Variants in PPP2R5D observed in about 807,000 individuals in gnomAD.
PPP2R5D encodes the protein protein phosphatase 2 regulatory subunit B'delta, also known as serine/threonine-protein phosphatase 2A 56 kDa regulatory subunit delta isoform.
A neutral mutation model predicts 79.1 loss-of-function variants in PPP2R5D; 12 were observed. The observed-to-expected ratio is 0.15, with a 90% CI of 0.10 to 0.25. PPP2R5D has a LOEUF of 0.25. Among genes scored for constraint, PPP2R5D ranks in the 10% least tolerant of loss-of-function variants. The probability of loss-of-function intolerance (pLI) is 1.00; values close to 1 mark genes in which losing one functional copy is unlikely to be tolerated. For missense variants in PPP2R5D, 419 were observed against 760.2 expected, an observed-to-expected ratio of 0.55 and a Z score of 5.28; for synonymous variants, 277 against 286.6, an observed-to-expected ratio of 0.97 and a Z score of 0.34.
Position 43,007,966 on chromosome 6 carries a change from G to A in PPP2R5D, c.758G>A (p.Arg253Gln), listed in dbSNP as rs1131691266. 2.5e-6 allele frequency: 4 copies of A among 1,614,150 alleles called. No homozygotes were observed. The highest frequency in any genetic ancestry group is 2.2e-5 in the East Asian group (1 of 44,884). Residue 253 changes from arginine to glutamine, a missense_variant, in exon 7 of 16, where the codon CGA becomes CAA. Physicochemically the swap from Arg to Gln is conservative, Grantham distance 43. Coordinates refer to ENST00000485511, the MANE Select transcript of PPP2R5D (RefSeq NM_006245.4). The surrounding 1 kb of genome is among the most constrained non-coding windows in gnomAD (Gnocchi z 4.5). ...GACCTATTTGACAGTGAGGATCCTC[G>A]AGAGCGGGACTTCCTCAAGACCATT... The part of the protein sequence containing the change: ...LLDLFDSEDP[R>Q]ERDFLKTILH...
rs759193097 is a variant in PPP2R5D at position 42,984,749 on chromosome 6, C to G, written c.27+45C>G. On this transcript the variant is annotated intron_variant, in intron 1 of 15. Transcript: ENST00000485511. The stretch of plus-strand genomic sequence containing the variant: ...CCCCACCGCCGCCTTGGAGCCTGCG[C>G]GGAGCTCTGGGAGGGGCCGGAGCCA... 4 of 1,609,998 alleles carry G rather than the reference C, an allele frequency of 2.5e-6. No individual in the cohort carries two copies. In the Admixed American group the frequency reaches 5.0e-5, roughly 20 times the overall value.
intron 2 of PPP2R5D, among the ~76,000 whole-genome samples, chr6:42,994,961 CCTT>C (rs1771536708): frequency 6.6e-6 from 1 of 151,934 alleles, no homozygotes; most frequent in South Asian, 2.1e-4. Flanking sequence ...ACTCTAAAAA[CCTT>C]CTTGGTCTTA....
Position 43,012,230 on chromosome 6 carries a change from T to C in PPP2R5D, c.*944T>C. The C allele has an allele frequency of 1.8e-5, 22 of 1,203,956 alleles. No individual in the cohort carries two copies. Among genetic ancestry groups the C allele is most frequent in the Non-Finnish European group, 2.3e-5 (22 of 967,558 alleles). 74.6% of individuals were successfully genotyped at this position (1,203,956 alleles called of 1,614,324 possible). A position where few individuals can be genotyped will look rare whatever the true frequency, so the allele number is the denominator to read the frequency against. ...CCAGGGGCGCAGGCAGTGCGGCTTT[T>C]GGCTGTGTACATAGGGTGCTTTATT... is the stretch of plus-strand genomic sequence containing the variant. On this transcript the variant is annotated 3_prime_UTR_variant, in exon 16 of 16. Coordinates refer to ENST00000485511, the MANE Select transcript of PPP2R5D (RefSeq NM_006245.4).
intron 2 of PPP2R5D, among the ~76,000 whole-genome samples, chr6:43,004,735 C>G (rs889987284): frequency 6.6e-6 from 1 of 151,106 alleles, no homozygotes; most frequent in Non-Finnish European, 1.5e-5. Context: ...TACAACTAAA[C>G]TATGTATTAC....
chr6:42,984,787 C>T, intron 1 of PPP2R5D, 83 bp downstream of exon 1: 1 of 1,585,680 alleles, frequency 6.3e-7, no homozygotes, highest in Admixed American at 1.8e-5. Context: ...CCCGGGACAG[C>T]CCCAGACTGA....
chr6:42,991,407 T>C (rs1303572710), intron 2 of PPP2R5D, among the ~76,000 whole-genome samples: 1 of 152,196 alleles, frequency 6.6e-6, no homozygotes, highest in Non-Finnish European at 1.5e-5. Context: ...GGGATGTCGT[T>C]TCCTTAAAGC....
At chr6:42,989,571 C>A in intron 1 of PPP2R5D, 40 bp from the exon 2 acceptor site, 2 of 1,522,108 alleles carry the variant, frequency 1.3e-6, no homozygotes, top group East Asian at 2.3e-5. Flanking sequence ...TCTCCCTTCT[C>A]CTGGCATCTG....
intron 2 of PPP2R5D, among the ~76,000 whole-genome samples, chr6:42,994,841 G>A (rs1436735436): frequency 1.3e-5 from 2 of 150,298 alleles, no homozygotes; most frequent in African/African-American, 2.5e-5. Flanking sequence ...AAAAATTAAT[G>A]TCATAGACTC....
At chr6:42,989,496 T>G in intron 1 of PPP2R5D, 115 bp from the exon 2 acceptor site, 1 of 871,046 alleles carries the variant, frequency 1.1e-6, no homozygotes. Context: ...AGGTAGATTC[T>G]AATTGATTGA....
At chr6:43,011,054 G>C in intron 15 of PPP2R5D, 57 bp downstream of exon 15, 3 of 1,609,404 alleles carry the variant, frequency 1.9e-6, no homozygotes, top group Non-Finnish European at 2.6e-6. Context: ...AGGGAGAGGA[G>C]ACAGAAACAG....
In PPP2R5D at chr6:42,995,409, A is replaced by G. The variant is rs770057061; in HGVS notation, c.105+5721A>G. ...TGGCCTCTGAAAGTGCTGGGATTAC[A>G]GGTGTGAGCCACTGTGCCCTGCCCA... On this transcript the variant is annotated intron_variant, in intron 2 of 15. Transcript: ENST00000485511. Among the ~76,000 whole-genome samples the G allele has an allele frequency of 7.2e-5, 11 of 152,226 alleles. No individual in the cohort carries two copies. In the Middle Eastern group the frequency reaches 0.01, roughly 142 times the overall value.
At chr6:42,989,285 T>C (rs1771082397) in intron 1 of PPP2R5D, among the ~76,000 whole-genome samples, 1 of 152,160 alleles carries the variant, frequency 6.6e-6, no homozygotes, top group Non-Finnish European at 1.5e-5. Flanking sequence ...GCTTTTTCTT[T>C]AAGCCTCCTC....
rs1762250113 is a variant in PPP2R5D, at chr6:43,009,578, A to G, written c.1379+129A>G. ...TGGGGCTGATGTCCCCTGCATGTTG[A>G]TAGGACCTTGAGGGGCTGACTGGAG... On this transcript the variant is annotated intron_variant, in intron 12 of 15. Transcript: ENST00000485511. The surrounding 1 kb of genome is among the most constrained non-coding windows in gnomAD (Gnocchi z 5.6). The G allele has an allele frequency of 7.5e-7, 1 of 1,330,636 alleles. No homozygotes were observed. Among genetic ancestry groups the G allele is most frequent in the African/African-American group, 1.5e-5 (1 of 68,440 alleles). 82.4% of individuals were successfully genotyped at this position (1,330,636 alleles called of 1,614,324 possible). A position where few individuals can be genotyped will look rare whatever the true frequency, so the allele number is the denominator to read the frequency against.
chr6:43,011,477 A>G lies in PPP2R5D; in HGVS notation c.*191A>G. On this transcript the variant is annotated 3_prime_UTR_variant, in exon 16 of 16. Transcript: ENST00000485511. ...TCCCTCTTCTCCCCAAAAGGTGTTC[A>G]TGCCTCCCTGTGGCTAGTACAGGCT... 1 of 730,600 alleles carries G rather than the reference A, an allele frequency of 1.4e-6. No homozygotes were observed. The highest frequency in any genetic ancestry group is 1.9e-5 in the South Asian group (1 of 53,356). The allele number at this position is 730,600 out of a possible 1,614,324, so 45.3% of individuals were successfully genotyped here. A position where few individuals can be genotyped will look rare whatever the true frequency, so the allele number is the denominator to read the frequency against.
intron 2 of PPP2R5D, among the ~76,000 whole-genome samples, chr6:42,998,117 C>T (rs1218780257): frequency 4.7e-4 from 52 of 110,594 alleles, no homozygotes; most frequent in African/African-American, 1.6e-3. Context: ...CTCTGTCACC[C>T]GGGCTGGAGT....
chr6:42,993,307 A>G (rs1215481804), intron 2 of PPP2R5D, among the ~76,000 whole-genome samples: 3 of 151,362 alleles, frequency 2.0e-5, no homozygotes, highest in Admixed American at 2.0e-4. Flanking sequence ...CAAAAAAAAA[A>G]AAAAATACAA....
Position 43,010,808 on chromosome 6 carries a change from GAGGAATATGGGGCACACAGGCCCCCA to G in PPP2R5D, c.1555-70_1555-45del. The G allele has an allele frequency of 1.2e-6, 2 of 1,603,788 alleles. No homozygotes were observed. The highest frequency in any genetic ancestry group is 1.7e-6 in the Non-Finnish European group (2 of 1,171,080). On this transcript the variant is annotated intron_variant, in intron 14 of 15. Coordinates refer to ENST00000485511, the MANE Select transcript of PPP2R5D (RefSeq NM_006245.4). This position sits in a 1 kb window ranked among gnomAD's most constrained non-coding sequence, Gnocchi z 4.7. Reference sequence around the variant, plus strand: ...TGAGCTGGGGGAGAGTTTGTTGGGGGAGGAATATGGGGCACACAGGCCCCCAAGCCTCTGAAGTGGCTCTTAACGCT... The same window carrying G: ...TGAGCTGGGGGAGAGTTTGTTGGGGGAGCCTCTGAAGTGGCTCTTAACGCT...
At chr6:42,986,981 C>T (rs1770904180) in intron 1 of PPP2R5D, among the ~76,000 whole-genome samples, 1 of 152,118 alleles carries the variant, frequency 6.6e-6, no homozygotes, top group Admixed American at 6.6e-5. Context: ...GGGGGGTTGC[C>T]AGTGTGACTG....
chr6:42,990,745 T>C (rs1454470834), intron 2 of PPP2R5D, among the ~76,000 whole-genome samples: 1 of 143,584 alleles, frequency 7.0e-6, no homozygotes, highest in Non-Finnish European at 1.5e-5. Flanking sequence ...GTCTCTCTCT[T>C]GTTGCCCAGG....
Sources: allele counts gnomAD v4.1 joint callset (sites outside exome capture counted in the v4.1 genomes callset), GRCh38; gene constraint gnomAD v4.1.1; non-coding constraint Gnocchi (gnomAD v3.1); transcripts MANE v1.5; gene names NCBI Gene and HGNC (gene_info 2026-07-23, HGNC 2026-07-21).